CSGALNACT1: variants seen among roughly 807,000 people sequenced by gnomAD.
CSGALNACT1 encodes chondroitin sulfate N-acetylgalactosaminyltransferase 1.
In CSGALNACT1, 52 loss-of-function variants were observed where a neutral mutation model predicts 51.0. The observed-to-expected ratio is 1.02, with a 90% CI of 0.82 to 1.29. The LOEUF is 1.29. Among genes scored for constraint, CSGALNACT1 ranks in the 50% most tolerant of loss-of-function variants. The pLI, the probability that CSGALNACT1 is intolerant of heterozygous loss-of-function variation, is 0.00. For synonymous variants in CSGALNACT1, 341 were observed against 254.4 expected, an observed-to-expected ratio of 1.34 and a Z score of -3.24; for missense variants, 935 against 679.2, an observed-to-expected ratio of 1.38 and a Z score of -4.19.
intron 3 of CSGALNACT1, among the ~76,000 whole-genome samples, chr8:19,553,902 A>AACAC (rs34664028): frequency 0.013 from 1,874 of 147,546 alleles, 33 homozygotes; most frequent in African/African-American, 0.04. Context: ...GAACTCGTAG[A>AACAC]ACACACACAC....
At chr8:19,655,746 T>C (rs899431138) in intron 1 of CSGALNACT1, among the ~76,000 whole-genome samples, 2 of 152,076 alleles carry the variant, frequency 1.3e-5, no homozygotes, top group Non-Finnish European at 2.9e-5. Flanking sequence ...TTGTGAAAAA[T>C]TTGTGAAAAG....
intron 3 of CSGALNACT1, among the ~76,000 whole-genome samples, chr8:19,552,546 A>C (rs916620248): frequency 6.6e-6 from 1 of 152,150 alleles, no homozygotes; most frequent in Admixed American, 6.5e-5. Flanking sequence ...ATGACTTTTA[A>C]AGCAAGCTCA....
chr8:19,526,118 T>C (rs965703011), intron 3 of CSGALNACT1, among the ~76,000 whole-genome samples: 31 of 152,184 alleles, frequency 2.0e-4, no homozygotes, highest in African/African-American at 6.0e-4. Context: ...TGCTGTCATA[T>C]CCTACCTCCC....
intron 1 of CSGALNACT1, among the ~76,000 whole-genome samples, chr8:19,626,554 C>T (rs895553747): frequency 5.3e-5 from 8 of 152,130 alleles, no homozygotes; most frequent in African/African-American, 1.9e-4. Context: ...AGGCATGACA[C>T]TGAAAGCATG....
chr8:19,699,563 C>T (rs1455025203), intron 1 of CSGALNACT1, among the ~76,000 whole-genome samples: 1 of 152,214 alleles, frequency 6.6e-6, no homozygotes, highest in African/African-American at 2.4e-5. Flanking sequence ...TATGATGTTA[C>T]TCACATGAGG....
Position 19,666,336 on chromosome 8 carries a change from T to C in CSGALNACT1, c.-544+16137A>G, listed in dbSNP as rs191383255. ...ATCAAACAACTTGCTCCAGCTCCCA[T>C]GAAGAAAACCCTGTCTCTTCTACTT... On this transcript the variant is annotated intron_variant, in intron 1 of 9. Coordinates refer to the CSGALNACT1 transcript ENST00000332246. Among the ~76,000 whole-genome samples the C allele has an allele frequency of 2.7e-3, 412 of 152,282 alleles. 2 individuals carry two copies. The highest frequency in any genetic ancestry group is 4.1e-3 in the Non-Finnish European group (280 of 68,024).
At chr8:19,514,915 C>T (rs1019892555) in intron 3 of CSGALNACT1, among the ~76,000 whole-genome samples, 53 of 152,034 alleles carry the variant, frequency 3.5e-4, no homozygotes, top group African/African-American at 1.2e-3. Context: ...AATAATAAAG[C>T]GTAAAATATT....
intron 1 of CSGALNACT1, among the ~76,000 whole-genome samples, chr8:19,662,090 G>A (rs1412098959): frequency 2.1e-4 from 2 of 9,648 alleles, no homozygotes; most frequent in Non-Finnish European, 4.2e-4. Context: ...CCCCCCCCCC[G>A]CATCTTCAGC....
chr8:19,667,925 A>C (rs920855228), intron 1 of CSGALNACT1, among the ~76,000 whole-genome samples: 3 of 152,214 alleles, frequency 2.0e-5, no homozygotes, highest in Non-Finnish European at 4.4e-5. Context: ...TATTTTAAGA[A>C]GAAATAGAAT....
At chr8:19,718,407 C>A (rs2062935014) in intron 1 of CSGALNACT1, among the ~76,000 whole-genome samples, 1 of 152,104 alleles carries the variant, frequency 6.6e-6, no homozygotes, top group South Asian at 2.1e-4. Flanking sequence ...TGGCCACAGG[C>A]TTTCTATTTC....
exon 10 of CSGALNACT1, chr8:19,405,124 A>T (rs1283914044): frequency 2.2e-6 from 1 of 452,876 alleles, no homozygotes; most frequent in Non-Finnish European, 4.4e-6. Context: ...AAATAAGCAG[A>T]CTATAACTCA....
intron 1 of CSGALNACT1, among the ~76,000 whole-genome samples, chr8:19,673,781 G>T (rs966020873): frequency 2.6e-5 from 4 of 152,186 alleles, no homozygotes; most frequent in Non-Finnish European, 4.4e-5. Flanking sequence ...AGTTTTAAAA[G>T]AATAGAAATT....
chr8:19,477,390 A>G (rs76599256), intron 4 of CSGALNACT1, among the ~76,000 whole-genome samples: 20,245 of 152,250 alleles, frequency 0.13, 1,437 homozygotes, highest in Middle Eastern at 0.22. Context: ...GAGCACGGCT[A>G]TAATGAATTC....
intron 1 of CSGALNACT1, among the ~76,000 whole-genome samples, chr8:19,748,916 G>A (rs2064857120): frequency 6.6e-6 from 1 of 151,048 alleles, no homozygotes; most frequent in Non-Finnish European, 1.5e-5. Context: ...AGTGAGCCGA[G>A]ATCGCACCAC....
At chr8:19,698,867 C>T (rs2061715566) in intron 1 of CSGALNACT1, among the ~76,000 whole-genome samples, 1 of 152,138 alleles carries the variant, frequency 6.6e-6, no homozygotes, top group Non-Finnish European at 1.5e-5. Flanking sequence ...CCAGGACTCC[C>T]CACAGATACC....
At chr8:19,718,198 T>C (rs1324934214) in intron 1 of CSGALNACT1, among the ~76,000 whole-genome samples, 1 of 152,218 alleles carries the variant, frequency 6.6e-6, no homozygotes, top group East Asian at 1.9e-4. Context: ...GTTCAAGTGA[T>C]TCTCCTTGCC....
At chr8:19,679,377 G>C (rs1255415519) in intron 1 of CSGALNACT1, among the ~76,000 whole-genome samples, 1 of 152,044 alleles carries the variant, frequency 6.6e-6, no homozygotes, top group African/African-American at 2.4e-5. Context: ...ACTGGCTTGA[G>C]CTCAGGGAGG....
intron 1 of CSGALNACT1, among the ~76,000 whole-genome samples, chr8:19,638,725 G>C (rs921690463): frequency 6.6e-6 from 1 of 151,914 alleles, no homozygotes; most frequent in Non-Finnish European, 1.5e-5. Flanking sequence ...ATAGTCACTG[G>C]GTGGTAACTT....
At chr8:19,662,058 GCCCCCACCC>G (rs1246456386) in intron 1 of CSGALNACT1, among the ~76,000 whole-genome samples, 1 of 33,926 alleles carries the variant, frequency 2.9e-5, no homozygotes, top group Non-Finnish European at 6.3e-5. Flanking sequence ...TATTACAGTT[GCCCCCACCC>G]CCCCCCACCC....
Sources: gnomAD v4.1 joint callset for allele counts (sites outside exome capture counted in the v4.1 genomes callset) on GRCh38, gnomAD v4.1.1 for gene constraint, MANE v1.5 for transcripts, NCBI Gene and HGNC (gene_info 2026-07-23, HGNC 2026-07-21) for gene names.